GNA11: variants seen among roughly 807,000 people sequenced by gnomAD.
The protein encoded by GNA11 is guanine nucleotide-binding protein subunit alpha-11.
A neutral mutation model predicts 38.2 loss-of-function variants in GNA11; 8 were observed. The observed-to-expected ratio is 0.21, with a 90% CI of 0.12 to 0.38. The LOEUF (loss-of-function observed/expected upper bound fraction) is 0.38. Among genes scored for constraint, GNA11 ranks in the 10% least tolerant of loss-of-function variants. The pLI, the probability that GNA11 is intolerant of heterozygous loss-of-function variation, is 1.00. For synonymous variants in GNA11, 211 were observed against 221.4 expected (o/e 0.95, Z 0.42); for missense variants, 268 against 516.3 (o/e 0.52, Z 4.66).
intron 1 of GNA11, among the ~76,000 whole-genome samples, chr19:3,095,830 C>T (rs562283480): frequency 1.4e-4 from 21 of 152,278 alleles, no homozygotes; most frequent in African/African-American, 4.8e-4. Flanking sequence ...CTGCCGGCTC[C>T]TCCCCACCGT....
At chr19:3,100,481 A>G (rs72975256) in intron 1 of GNA11, among the ~76,000 whole-genome samples, 4,089 of 152,294 alleles carry the variant, frequency 0.027, 79 homozygotes, top group Non-Finnish European at 0.044. Flanking sequence ...AGTGACCGTC[A>G]TTGGCTGACT....
chr19:3,106,830 C>A (rs781196783), intron 1 of GNA11, among the ~76,000 whole-genome samples: 5 of 152,260 alleles, frequency 3.3e-5, no homozygotes, highest in Non-Finnish European at 7.3e-5. Context: ...TGCCTGGGTG[C>A]ATAGGTGTGA....
At chr19:3,103,830 C>T (rs1036821125) in intron 1 of GNA11, among the ~76,000 whole-genome samples, 7 of 152,086 alleles carry the variant, frequency 4.6e-5, no homozygotes, top group Non-Finnish European at 7.4e-5. Flanking sequence ...AGCTTTCAGG[C>T]GCCTGCCACC....
intron 2 of GNA11, among the ~76,000 whole-genome samples, chr19:3,112,121 C>T (rs538089214): frequency 2.0e-5 from 3 of 152,346 alleles, no homozygotes; most frequent in East Asian, 3.9e-4. Flanking sequence ...GGAGACAGTC[C>T]GTGTGGTCGG....
At chr19:3,109,329 G>A (rs1913709993) in intron 1 of GNA11, among the ~76,000 whole-genome samples, 1 of 152,218 alleles carries the variant, frequency 6.6e-6, no homozygotes. Context: ...CTGGGGTGGA[G>A]CGACAGCTGG....
In GNA11 at chr19:3,121,260, C is replaced by T. The variant is rs1489240572; in HGVS notation, c.*81C>T. 9 of 1,105,584 alleles carry T rather than the reference C, an allele frequency of 8.1e-6. No homozygotes were observed. The highest frequency in any genetic ancestry group is 2.0e-4 in the Middle Eastern group (1 of 4,916). 68.5% of individuals were successfully genotyped at this position (1,105,584 alleles called of 1,614,324 possible). Reference sequence around the variant, plus strand: ...GAGCCTGCGGCTGCCGGGCGGGTGGCGCTGCCGAGTCCGGGCCGGGGCCTC... The same window carrying T: ...GAGCCTGCGGCTGCCGGGCGGGTGGTGCTGCCGAGTCCGGGCCGGGGCCTC... On this transcript the variant is annotated 3_prime_UTR_variant, in exon 7 of 7. Coordinates refer to ENST00000078429, the MANE Select transcript of GNA11 (RefSeq NM_002067.5).
chr19:3,121,368 C>G lies in GNA11; in HGVS notation c.*189C>G. On this transcript the variant is annotated 3_prime_UTR_variant, in exon 7 of 7. Coordinates refer to ENST00000078429, the MANE Select transcript of GNA11 (RefSeq NM_002067.5). ...AGTTATCAGGGGATGTACATCTCTC[C>G]CTCCGTACACTTCGCGCACCTTCTC... The G allele has an allele frequency of 2.0e-6, 1 of 501,680 alleles. No individual in the cohort carries two copies. Among genetic ancestry groups the G allele is most frequent in the East Asian group, 3.2e-5 (1 of 30,896 alleles). The allele number at this position is 501,680 out of a possible 1,614,324, so 31.1% of individuals were successfully genotyped here. A position where few individuals can be genotyped will look rare whatever the true frequency, so the allele number is the denominator to read the frequency against.
At chr19:3,112,837 G>A (rs1261521810) in intron 2 of GNA11, among the ~76,000 whole-genome samples, 6 of 152,274 alleles carry the variant, frequency 3.9e-5, no homozygotes, top group African/African-American at 9.6e-5. Context: ...GTCTGGAGCT[G>A]CACACTGCAG....
At chr19:3,114,679 C>G (rs1171516034) in intron 3 of GNA11, among the ~76,000 whole-genome samples, 1 of 152,224 alleles carries the variant, frequency 6.6e-6, no homozygotes, top group Non-Finnish European at 1.5e-5. Context: ...AGCTGGAGTC[C>G]TCGTCCTGGG....
At chr19:3,103,920 C>T (rs1313721609) in intron 1 of GNA11, among the ~76,000 whole-genome samples, 3 of 151,842 alleles carry the variant, frequency 2.0e-5, no homozygotes, top group African/African-American at 7.3e-5. Flanking sequence ...CTCCTGACCT[C>T]GTGATCCGCC....
intron 1 of GNA11, among the ~76,000 whole-genome samples, chr19:3,100,759 G>A (rs1034390066): frequency 2.0e-5 from 3 of 152,330 alleles, no homozygotes; most frequent in South Asian, 2.1e-4. Context: ...AGCCAGGGGC[G>A]AGTCACTTCC....
chr19:3,118,863 G>A, intron 4 of GNA11, 61 bp from the exon 5 acceptor site: 3 of 1,551,352 alleles, frequency 1.9e-6, no homozygotes, highest in East Asian at 2.3e-5. Flanking sequence ...GAGCCGTCCT[G>A]GGATTGCAGA....
intron 1 of GNA11, among the ~76,000 whole-genome samples, chr19:3,100,729 TG>T (rs1913482386): frequency 6.6e-6 from 1 of 151,928 alleles, no homozygotes; most frequent in Non-Finnish European, 1.5e-5. Context: ...CACGGGGCAG[TG>T]GGGGCACACT....
chr19:3,098,416 C>G (rs1351829067), intron 1 of GNA11, among the ~76,000 whole-genome samples: 1 of 152,234 alleles, frequency 6.6e-6, no homozygotes, highest in Non-Finnish European at 1.5e-5. Flanking sequence ...CACGGGCAGC[C>G]CTCGGCTGTT....
intron 1 of GNA11, among the ~76,000 whole-genome samples, chr19:3,103,037 T>A (rs116807550): frequency 2.0e-5 from 3 of 152,112 alleles, no homozygotes; most frequent in African/African-American, 7.2e-5. Flanking sequence ...CTTCCTGGCT[T>A]CTCGGCCCAC....
At chr19:3,095,930 C>T (rs1230815326) in intron 1 of GNA11, among the ~76,000 whole-genome samples, 1 of 152,196 alleles carries the variant, frequency 6.6e-6, no homozygotes, top group Non-Finnish European at 1.5e-5. Context: ...TGTTGTCACT[C>T]CAAATAAGGG....
chr19:3,106,662 C>A (rs1208365216), intron 1 of GNA11, among the ~76,000 whole-genome samples: 2 of 152,236 alleles, frequency 1.3e-5, no homozygotes, highest in Admixed American at 6.5e-5. Flanking sequence ...TGCCAGCCAC[C>A]CAGCTGTGTA....
rs1471860990 is a variant in GNA11 at position 3,121,799 on chromosome 19, G to A, written c.*620G>A. The A allele has an allele frequency of 8.6e-6, 2 of 232,766 alleles. No individual in the cohort carries two copies. Among genetic ancestry groups the A allele is most frequent in the South Asian group, 1.8e-4 (1 of 5,532 alleles). 14.4% of individuals were successfully genotyped at this position (232,766 alleles called of 1,614,324 possible). ...ACTGGACTCCTGAAGAGGGGGTGGG[G>A]GGCTCCCTCGGTCGCCCACCCTGGG... On this transcript the variant is annotated 3_prime_UTR_variant, in exon 7 of 7. Coordinates refer to ENST00000078429, the MANE Select transcript of GNA11 (RefSeq NM_002067.5).
At chr19:3,103,519 C>CGTTTTTTTTTTTTTTTTTTTTTTTTTTTT (rs1370578226) in intron 1 of GNA11, among the ~76,000 whole-genome samples, 1 of 45,800 alleles carries the variant, frequency 2.2e-5, no homozygotes, top group African/African-American at 8.0e-5. Flanking sequence ...GGCCTTGAAT[C>CGTTTTTTTTTTTTTTTTTTTTTTTTTTTT]TTTTTTTTTT....
Sources: allele counts gnomAD v4.1 joint callset (sites outside exome capture counted in the v4.1 genomes callset), GRCh38; gene constraint gnomAD v4.1.1; transcripts MANE v1.5; gene names NCBI Gene and HGNC (gene_info 2026-07-23, HGNC 2026-07-21).